NECAB1: variants seen among roughly 807,000 people sequenced by gnomAD.
NECAB1 encodes the protein N-terminal EF-hand calcium binding protein 1.
In NECAB1, 29 loss-of-function variants were observed where a neutral mutation model predicts 57.5. The ratio of observed to expected loss-of-function variants is 0.50; its 90% CI spans 0.38 to 0.69. The LOEUF (loss-of-function observed/expected upper bound fraction) is 0.69, where lower values mean the gene tolerates loss of function less well. NECAB1 is among the 30% of genes least tolerant of loss of function. The pLI, the probability that NECAB1 is intolerant of heterozygous loss-of-function variation, is 0.00. For synonymous variants in NECAB1, 142 were observed against 147.7 expected (o/e 0.96, Z 0.28); for missense variants, 372 against 413.8 (o/e 0.90, Z 0.88).
chr8:90,855,739 T>G (rs1812781522), intron 3 of NECAB1, among the ~76,000 whole-genome samples: 1 of 152,194 alleles, frequency 6.6e-6, no homozygotes, highest in African/African-American at 2.4e-5. Flanking sequence ...TTTGAGGGAC[T>G]AGTTTTACCC....
At chr8:90,871,045 A>G (rs980156276) in intron 3 of NECAB1, among the ~76,000 whole-genome samples, 1 of 152,014 alleles carries the variant, frequency 6.6e-6, no homozygotes, top group African/African-American at 2.4e-5. Flanking sequence ...AAAAGTACCC[A>G]ATGTTTGGAA....
intron 3 of NECAB1, among the ~76,000 whole-genome samples, chr8:90,845,753 A>C (rs984535562): frequency 6.6e-6 from 1 of 152,334 alleles, no homozygotes; most frequent in Non-Finnish European, 1.5e-5. Context: ...ATGTTTTGAG[A>C]CTTGTATTTT....
chr8:90,875,844 C>CA (rs5893141), intron 4 of NECAB1, among the ~76,000 whole-genome samples: 40,744 of 88,312 alleles, frequency 0.46, 8,045 homozygotes, highest in East Asian at 0.66. Context: ...ACTAAAAATA[C>CA]AAAAAAAAAA....
intron 5 of NECAB1, among the ~76,000 whole-genome samples, chr8:90,893,002 C>A (rs1235197561): frequency 6.6e-6 from 1 of 152,172 alleles, no homozygotes; most frequent in African/African-American, 2.4e-5. Flanking sequence ...CTATGCTCAG[C>A]CATTTGCACT....
At chr8:90,913,659 C>T (rs937477599) in intron 5 of NECAB1, among the ~76,000 whole-genome samples, 14 of 152,134 alleles carry the variant, frequency 9.2e-5, no homozygotes, top group African/African-American at 3.1e-4. Context: ...TTTGTACCTT[C>T]GCTACCAACA....
intron 6 of NECAB1, among the ~76,000 whole-genome samples, chr8:90,918,134 C>G (rs1157240017): frequency 2.0e-5 from 3 of 150,622 alleles, no homozygotes; most frequent in Non-Finnish European, 4.4e-5. Flanking sequence ...CTCAGCCTCC[C>G]AAATAGGTGG....
intron 3 of NECAB1, among the ~76,000 whole-genome samples, chr8:90,843,436 C>CT (rs1812491324): frequency 6.6e-6 from 1 of 152,256 alleles, no homozygotes; most frequent in East Asian, 1.9e-4. Context: ...TCCTTCTGTT[C>CT]TTTTTCTTTA....
intron 1 of NECAB1, among the ~76,000 whole-genome samples, chr8:90,792,427 C>T (rs1018687900): frequency 8.5e-5 from 13 of 152,174 alleles, no homozygotes; most frequent in African/African-American, 2.7e-4. Context: ...GAGATGCCCT[C>T]GTTATCCTCC....
intron 3 of NECAB1, among the ~76,000 whole-genome samples, chr8:90,869,733 G>T (rs993547521): frequency 6.6e-6 from 1 of 152,190 alleles, no homozygotes; most frequent in Non-Finnish European, 1.5e-5. Context: ...AGGCTCAGAG[G>T]TGGAAGGGAC....
chr8:90,940,748 G>C (rs1810648484), intron 9 of NECAB1, 38 bp from the exon 10 acceptor site: 1 of 1,495,422 alleles, frequency 6.7e-7, no homozygotes, highest in Admixed American at 2.0e-5. Flanking sequence ...CGGGCTCCGT[G>C]ACAGCCAACG....
intron 10 of NECAB1, among the ~76,000 whole-genome samples, chr8:90,945,531 A>G (rs1419334403): frequency 6.6e-6 from 1 of 152,152 alleles, no homozygotes; most frequent in African/African-American, 2.4e-5. Context: ...GACGAAATAA[A>G]TTAGTGACCC....
chr8:90,950,537 AAAT>A (rs1373687462), intron 11 of NECAB1, among the ~76,000 whole-genome samples: 1 of 152,182 alleles, frequency 6.6e-6, no homozygotes, highest in African/African-American at 2.4e-5. Flanking sequence ...ACAGCTCTCT[AAAT>A]AAGTCCATGT....
At chr8:90,941,761 C>T (rs1810675217) in intron 10 of NECAB1, among the ~76,000 whole-genome samples, 1 of 152,198 alleles carries the variant, frequency 6.6e-6, no homozygotes, top group Non-Finnish European at 1.5e-5. Flanking sequence ...CCCCACTGTG[C>T]CTCAGACCTG....
rs1809986355 is a variant in NECAB1, at chr8:90,917,602, T to C, written c.468T>C (p.Thr156=). The C allele has an allele frequency of 6.2e-7, 1 of 1,610,908 alleles. No homozygotes were observed. Among genetic ancestry groups the C allele is most frequent in the African/African-American group, 1.3e-5 (1 of 74,862 alleles). The change falls in exon 6 of 13, where the codon ACT becomes ACC. Residue 156 remains threonine, a synonymous_variant. Transcript: ENST00000417640. ...LQNSLECAME[T]TEEQTRQERQ... ...ATTCCCTGGAATGTGCCATGGAAAC[T>C]ACTGAGGAGCAAACCCGTCAAGAAA...
intron 8 of NECAB1, among the ~76,000 whole-genome samples, chr8:90,933,424 T>C (rs751840430): frequency 6.6e-6 from 1 of 152,136 alleles, no homozygotes; most frequent in African/African-American, 2.4e-5. Flanking sequence ...ATGGCATTTG[T>C]AGCAACCTGG....
chr8:90,874,922 C>T (rs1007849470), intron 4 of NECAB1, among the ~76,000 whole-genome samples: 1 of 150,030 alleles, frequency 6.7e-6, no homozygotes, highest in East Asian at 2.0e-4. Flanking sequence ...TCTTCACATA[C>T]AATTGTGAAG....
intron 11 of NECAB1, among the ~76,000 whole-genome samples, chr8:90,950,581 T>C (rs982295342): frequency 4.6e-5 from 7 of 152,124 alleles, no homozygotes; most frequent in East Asian, 1.9e-4. Context: ...ATGGAAGTAA[T>C]AGAATACCTG....
At chr8:90,937,786 C>T (rs1454586135) in intron 9 of NECAB1, among the ~76,000 whole-genome samples, 1 of 152,206 alleles carries the variant, frequency 6.6e-6, no homozygotes, top group Non-Finnish European at 1.5e-5. Context: ...AATAGCTTAT[C>T]ATACAATGAG....
At chr8:90,851,175 T>G (rs190439437) in intron 3 of NECAB1, among the ~76,000 whole-genome samples, 1 of 152,238 alleles carries the variant, frequency 6.6e-6, no homozygotes, top group African/African-American at 2.4e-5. Context: ...GGAAGCTCCA[T>G]GCACCACTGC....
Sources: allele counts gnomAD v4.1 joint callset (sites outside exome capture counted in the v4.1 genomes callset), GRCh38; gene constraint gnomAD v4.1.1; transcripts MANE v1.5; gene names NCBI Gene and HGNC (gene_info 2026-07-23, HGNC 2026-07-21).